SPAM1: variants seen among roughly 807,000 people sequenced by gnomAD.
SPAM1 encodes the protein sperm adhesion molecule 1.
In SPAM1, 22 loss-of-function variants were observed where a neutral mutation model predicts 29.6. The observed-to-expected ratio is 0.74, with a 90% CI of 0.53 to 1.06. The LOEUF is 1.06. Among genes scored for constraint, SPAM1 ranks in the 50% least tolerant of loss-of-function variants. The probability of loss-of-function intolerance (pLI) is 0.00; values close to 1 mark genes in which losing one functional copy is unlikely to be tolerated. For synonymous variants in SPAM1, 194 were observed against 204.6 expected, an observed-to-expected ratio of 0.95 and a Z score of 0.44; for missense variants, 534 against 604.0, an observed-to-expected ratio of 0.88 and a Z score of 1.21.
At chr7:123,937,007 T>C (rs992805672) in intron 1 of SPAM1, among the ~76,000 whole-genome samples, 2 of 152,200 alleles carry the variant, frequency 1.3e-5, no homozygotes, top group Admixed American at 6.5e-5. Flanking sequence ...AGACTTAGAT[T>C]ATTGTTATTA....
chr7:123,942,578 T>G (rs1034364306), intron 1 of SPAM1, among the ~76,000 whole-genome samples: 2 of 152,206 alleles, frequency 1.3e-5, no homozygotes, highest in Admixed American at 6.5e-5. Flanking sequence ...GCTGAAACTT[T>G]ATTCCATAAG....
chr7:123,963,021 A>G (rs1639975540), downstream of SPAM1, among the ~76,000 whole-genome samples: 1 of 151,860 alleles, frequency 6.6e-6, no homozygotes, highest in South Asian at 2.1e-4. Flanking sequence ...TTGTTAGTGA[A>G]TATTTATTTT....
chr7:123,942,151 A>G (rs1420760318), intron 1 of SPAM1, among the ~76,000 whole-genome samples: 3 of 152,224 alleles, frequency 2.0e-5, no homozygotes, highest in South Asian at 2.1e-4. Flanking sequence ...TTAAAAAAGC[A>G]CAGCTTAATT....
chr7:123,947,614 A>G (rs1313785841), intron 1 of SPAM1: 1 of 150,628 alleles, frequency 6.6e-6, no homozygotes, highest in African/African-American at 2.5e-5. Flanking sequence ...ACACACACAC[A>G]CACACAGACA....
intron 4 of SPAM1, 36 bp from the exon 5 acceptor site, chr7:123,959,448 C>G (rs574761863): frequency 6.0e-5 from 86 of 1,444,934 alleles, no homozygotes; most frequent in Admixed American, 1.3e-4. Flanking sequence ...CTAACTTGTC[C>G]TTTGATATTC....
At chr7:123,940,948 A>C (rs1431954415) in intron 1 of SPAM1, among the ~76,000 whole-genome samples, 1 of 152,222 alleles carries the variant, frequency 6.6e-6, no homozygotes, top group Non-Finnish European at 1.5e-5. Context: ...ATTCATGTTT[A>C]ATGATTGTGA....
intron 4 of SPAM1, 42 bp from the exon 5 acceptor site, chr7:123,959,442 C>A (rs1792316722): frequency 7.1e-7 from 1 of 1,413,232 alleles, no homozygotes; most frequent in African/African-American, 1.4e-5. Context: ...TTTGAACTAA[C>A]TTGTCCTTTG....
At chr7:123,952,249 G>T (rs923703957) in intron 2 of SPAM1, among the ~76,000 whole-genome samples, 2 of 152,014 alleles carry the variant, frequency 1.3e-5, no homozygotes, top group African/African-American at 4.8e-5. Context: ...GACTATAATA[G>T]TCCTTATGAT....
chr7:123,966,314 T>A (rs899834903), intron 5 of SPAM1, among the ~76,000 whole-genome samples: 2 of 152,110 alleles, frequency 1.3e-5, no homozygotes. Context: ...ATGTTTACAC[T>A]GTTGGGGAGT....
chr7:123,971,182 T>A (rs755566354), exon 7 of SPAM1: 1 of 152,126 alleles, frequency 6.6e-6, no homozygotes, highest in Non-Finnish European at 1.5e-5. Flanking sequence ...GGGAATCTGA[T>A]GAAGCCTATC....
chr7:123,938,465 C>A (rs55940510), intron 1 of SPAM1, among the ~76,000 whole-genome samples: 42,766 of 152,016 alleles, frequency 0.28, 6,288 homozygotes, highest in Admixed American at 0.36. Context: ...TAAGAGGAAA[C>A]ATACTTGTTG....
At chr7:123,935,534 T>G (rs1203266562) in intron 1 of SPAM1, among the ~76,000 whole-genome samples, 1 of 152,166 alleles carries the variant, frequency 6.6e-6, no homozygotes, top group African/African-American at 2.4e-5. Context: ...CTAAATTACT[T>G]AGTCCAGTAG....
chr7:123,944,869 TA>T (rs145535370), intron 1 of SPAM1, among the ~76,000 whole-genome samples: 1 of 152,292 alleles, frequency 6.6e-6, no homozygotes, highest in East Asian at 1.9e-4. Flanking sequence ...AAAAAAATTA[TA>T]AAGTCCTGTA....
At chr7:123,950,780 A>G (rs1227356937) in intron 2 of SPAM1, among the ~76,000 whole-genome samples, 1 of 152,106 alleles carries the variant, frequency 6.6e-6, no homozygotes, top group Non-Finnish European at 1.5e-5. Context: ...TAGATAGCCA[A>G]TAGTGGGATT....
At chr7:123,926,835 G>A (rs1238800778) in intron 1 of SPAM1, among the ~76,000 whole-genome samples, 1 of 152,154 alleles carries the variant, frequency 6.6e-6, no homozygotes, top group African/African-American at 2.4e-5. Context: ...GTTTTATTGT[G>A]CAGAGGAAGC....
chr7:123,936,538 T>C (rs1563022500), intron 1 of SPAM1, among the ~76,000 whole-genome samples: 2 of 152,194 alleles, frequency 1.3e-5, no homozygotes, highest in African/African-American at 2.4e-5. Context: ...TGCAATCTTA[T>C]AGCAGTCTAC....
intron 1 of SPAM1, 117 bp downstream of exon 1, chr7:123,925,469 A>G (rs1207521284): frequency 1.3e-5 from 2 of 152,140 alleles, no homozygotes; most frequent in East Asian, 3.9e-4. Flanking sequence ...TTTATGTTCC[A>G]CTTGACCTGA....
intron 2 of SPAM1, among the ~76,000 whole-genome samples, chr7:123,951,984 G>A (rs1792105994): frequency 6.6e-6 from 1 of 152,048 alleles, no homozygotes; most frequent in Non-Finnish European, 1.5e-5. Context: ...ATTTCAATAA[G>A]GTTAGCTTAC....
intron 1 of SPAM1, among the ~76,000 whole-genome samples, chr7:123,933,052 ATT>A (rs545387698): frequency 6.8e-6 from 1 of 147,804 alleles, no homozygotes; most frequent in African/African-American, 2.5e-5. Context: ...TATTTATTTT[ATT>A]TTTTTTTTTT....
Sources: allele counts gnomAD v4.1 joint callset (sites outside exome capture counted in the v4.1 genomes callset), GRCh38; gene constraint gnomAD v4.1.1; transcripts MANE v1.5; gene names NCBI Gene and HGNC (gene_info 2026-07-23, HGNC 2026-07-21).